Variants in TYR observed in about 807,000 individuals in gnomAD.
TYR encodes tyrosinase.
A neutral mutation model predicts 51.5 loss-of-function variants in TYR; 58 were observed. That is an observed-to-expected ratio of 1.13 (90% CI 0.91 to 1.40). The LOEUF (loss-of-function observed/expected upper bound fraction) is 1.40, where lower values mean the gene tolerates loss of function less well. TYR is among the 40% of genes most tolerant of loss of function. The probability of loss-of-function intolerance (pLI) is 0.00; values close to 1 mark genes in which losing one functional copy is unlikely to be tolerated. For synonymous variants in TYR, 263 were observed against 235.2 expected, an observed-to-expected ratio of 1.12 and a Z score of -1.08; for missense variants, 732 against 647.4, an observed-to-expected ratio of 1.13 and a Z score of -1.42.
In TYR at chr11:89,178,336, C is replaced by A. The variant is rs759390310; in HGVS notation, c.383C>A (p.Ala128Asp). Reference protein sequence around the residue: ...LVRRNIFDLSAPEKDKFFAYL... With the variant: ...LVRRNIFDLSDPEKDKFFAYL... ...AGAAGAAACATCTTCGATTTGAGTGCCCCAGAGAAGGACAAATTTTTTGCC... is the reference window on the plus strand; with the variant it reads ...AGAAGAAACATCTTCGATTTGAGTGACCCAGAGAAGGACAAATTTTTTGCC... Residue 128 changes from alanine (A) to aspartate (D), a missense_variant, in exon 1 of 5, where the codon GCC becomes GAC. By Grantham distance (126) the Ala-to-Asp change is moderately radical. Coordinates refer to ENST00000263321, the MANE Select transcript of TYR (RefSeq NM_000372.5). 4.3e-6 allele frequency: 7 copies of A among 1,614,084 alleles called. No individual in the cohort carries two copies. In the South Asian group the frequency reaches 6.6e-5, roughly 15 times the overall value.
intron 4 of TYR, among the ~76,000 whole-genome samples, chr11:89,292,928 C>A (rs1944866555): frequency 1.3e-5 from 2 of 152,158 alleles, no homozygotes; most frequent in South Asian, 4.2e-4. Context: ...AAAGGAATGG[C>A]CTGCTAGAGG....
At chr11:89,263,115 AC>A (rs1944482626) in intron 3 of TYR, among the ~76,000 whole-genome samples, 1 of 151,856 alleles carries the variant, frequency 6.6e-6, no homozygotes, top group East Asian at 1.9e-4. Flanking sequence ...TAAGCAAAAT[AC>A]TGAAAAACTG....
In TYR at chr11:89,256,552, T is replaced by A. The variant is rs1367646621; in HGVS notation, c.1185-28221T>A. On this transcript the variant is annotated intron_variant, in intron 3 of 4. Transcript: ENST00000263321. ...GAGAAAAAACAGAAACAATGCTAGT[T>A]GTTTTAATAATGTCAGTTGTTTATA... Among the ~76,000 whole-genome samples, 9 of 151,930 alleles carry A rather than the reference T, an allele frequency of 5.9e-5. No individual in the cohort carries two copies. In the East Asian group the frequency reaches 7.8e-4, roughly 13 times the overall value.
At chr11:89,245,569 A>T (rs1298936238) in intron 3 of TYR, among the ~76,000 whole-genome samples, 1 of 152,210 alleles carries the variant, frequency 6.6e-6, no homozygotes, top group Non-Finnish European at 1.5e-5. Flanking sequence ...AAGCAAGTTG[A>T]TAAAAAATTT....
chr11:89,210,254 C>T (rs1471048070), intron 2 of TYR, among the ~76,000 whole-genome samples: 2 of 152,098 alleles, frequency 1.3e-5, no homozygotes, highest in Admixed American at 6.6e-5. Context: ...ACTAGAATAA[C>T]CAGTGTAGAG....
At chr11:89,180,232 C>T (rs993761452) in intron 1 of TYR, among the ~76,000 whole-genome samples, 1 of 152,162 alleles carries the variant, frequency 6.6e-6, no homozygotes, top group African/African-American at 2.4e-5. Flanking sequence ...TCTCATCTAG[C>T]TCTTATATCC....
chr11:89,211,112 A>G (rs1200680326), intron 2 of TYR, among the ~76,000 whole-genome samples: 1 of 152,166 alleles, frequency 6.6e-6, no homozygotes, highest in Non-Finnish European at 1.5e-5. Flanking sequence ...ACATATAACA[A>G]TATTAACCTT....
chr11:89,215,916 C>G (rs1943826455), intron 2 of TYR, among the ~76,000 whole-genome samples: 1 of 152,020 alleles, frequency 6.6e-6, no homozygotes, highest in African/African-American at 2.4e-5. Context: ...TAATTATCAA[C>G]TAAGATAATG....
chr11:89,189,961 C>A (rs1943420752), intron 1 of TYR, among the ~76,000 whole-genome samples: 1 of 152,114 alleles, frequency 6.6e-6, no homozygotes, highest in African/African-American at 2.4e-5. Context: ...ATTCCTGTCA[C>A]CCAGTGACAT....
chr11:89,219,408 T>C (rs1342548398), intron 2 of TYR, among the ~76,000 whole-genome samples: 1 of 151,610 alleles, frequency 6.6e-6, no homozygotes, highest in South Asian at 2.1e-4. Flanking sequence ...ACGATTCTCC[T>C]GCCTCAGCCT....
chr11:89,197,773 G>A (rs1000618946), intron 2 of TYR, among the ~76,000 whole-genome samples: 25 of 152,070 alleles, frequency 1.6e-4, no homozygotes, highest in Non-Finnish European at 3.5e-4. Flanking sequence ...ACAAGTTCAG[G>A]ATGATTCTGA....
Position 89,231,455 on chromosome 11 carries a change from T to A in TYR, c.1184+3485T>A, listed in dbSNP as rs1214402347. On this transcript the variant is annotated intron_variant, in intron 3 of 4. Coordinates refer to ENST00000263321, the MANE Select transcript of TYR (RefSeq NM_000372.5). ...GTATATATACACAATGGAACACTAT[T>A]CTGCCATAAAAAAGGAAAACCCTCT... 1.4e-5 allele frequency among the ~76,000 whole-genome samples: 2 copies of A among 142,892 alleles called. 1 individual carries two copies. Among genetic ancestry groups the A allele is most frequent in the African/African-American group, 5.6e-5 (2 of 36,024 alleles). 93.7% of individuals were successfully genotyped at this position (142,892 alleles called of 152,430 possible).
At chr11:89,286,945 T>G (rs899956740) in intron 4 of TYR, among the ~76,000 whole-genome samples, 1 of 151,934 alleles carries the variant, frequency 6.6e-6, no homozygotes, top group Non-Finnish European at 1.5e-5. Context: ...TGTTTCCATT[T>G]CCAAAACACG....
At chr11:89,190,833 T>A (rs1943433692) in intron 1 of TYR, among the ~76,000 whole-genome samples, 1 of 152,136 alleles carries the variant, frequency 6.6e-6, no homozygotes, top group Non-Finnish European at 1.5e-5. Flanking sequence ...CTGTACCTTT[T>A]ACATGTTTAG....
At chr11:89,248,433 C>A (rs1043510343) in intron 3 of TYR, among the ~76,000 whole-genome samples, 6 of 152,030 alleles carry the variant, frequency 3.9e-5, no homozygotes, top group African/African-American at 1.4e-4. Flanking sequence ...GACACTGAGA[C>A]CACGGAGAAG....
At position 89,227,842 on chromosome 11, in the gene TYR, T is replaced by C. The variant is rs765467173; in HGVS notation, c.1056T>C (p.Thr352=). ...NTLEGFASPL[T]GIADASQSSM... ...GAACAGGATTTGCTAGTCCACTTAC[T>C]GGGATAGCGGATGCCTCTCAAAGCA... is the stretch of plus-strand genomic sequence containing the variant. The change falls in exon 3 of 5, where the codon ACT becomes ACC. Residue 352 remains threonine, a synonymous_variant. Coordinates refer to ENST00000263321, the MANE Select transcript of TYR (RefSeq NM_000372.5). 1.2e-6 allele frequency: 2 copies of C among 1,613,298 alleles called. No individual in the cohort carries two copies. Among genetic ancestry groups the C allele is most frequent in the Non-Finnish European group, 8.5e-7 (1 of 1,179,668 alleles).
At chr11:89,283,988 C>T (rs1490575098) in intron 3 of TYR, 2 of 151,700 alleles carry the variant, frequency 1.3e-5, no homozygotes, top group African/African-American at 2.4e-5. Flanking sequence ...AGACGGCTGC[C>T]AAAACCATGC....
chr11:89,198,254 A>T (rs1943549570), intron 2 of TYR, among the ~76,000 whole-genome samples: 1 of 152,146 alleles, frequency 6.6e-6, no homozygotes, highest in Non-Finnish European at 1.5e-5. Flanking sequence ...CAGATTCAAA[A>T]AATAAATTCA....
chr11:89,255,715 C>T (rs1188290832), intron 3 of TYR, among the ~76,000 whole-genome samples: 5 of 151,652 alleles, frequency 3.3e-5, no homozygotes, highest in African/African-American at 1.2e-4. Flanking sequence ...ATGTCTACTT[C>T]TTATCCTTTT....
Sources: allele counts gnomAD v4.1 joint callset (sites outside exome capture counted in the v4.1 genomes callset), GRCh38; gene constraint gnomAD v4.1.1; transcripts MANE v1.5; gene names NCBI Gene and HGNC (gene_info 2026-07-23, HGNC 2026-07-21).